TTC5: variants seen among roughly 807,000 people sequenced by gnomAD.
TTC5 encodes the protein tetratricopeptide repeat domain 5.
In TTC5, 46 loss-of-function variants were observed where a neutral mutation model predicts 57.4. The ratio of observed to expected loss-of-function variants is 0.80; its 90% CI spans 0.63 to 1.03. TTC5 has a LOEUF of 1.03. Among genes scored for constraint, TTC5 ranks in the 50% least tolerant of loss-of-function variants. TTC5 has a pLI of 0.00. For missense variants in TTC5, 504 were observed against 528.1 expected (o/e 0.95, Z 0.45); for synonymous variants, 190 against 203.5 (o/e 0.93, Z 0.57).
chr14:20,300,155 ATT>A (rs765208751), intron 3 of TTC5, among the ~76,000 whole-genome samples: 8 of 89,322 alleles, frequency 9.0e-5, no homozygotes, highest in East Asian at 3.1e-4. Flanking sequence ...ATATATATAT[ATT>A]TTTTTTTTTT....
In TTC5 at chr14:20,296,391, G is replaced by A. The variant is rs150011121; in HGVS notation, c.695C>T (p.Thr232Met). ...SNPDLHLNRA[T>M]LHKYEESYGE... Reference sequence around the variant, plus strand: ...ATGACTACACCCCAAAGGTCTTACCGTCGCCCTGTTCAGATGAAGGTCAGG... The same window carrying A: ...ATGACTACACCCCAAAGGTCTTACCATCGCCCTGTTCAGATGAAGGTCAGG... Residue 232 changes from threonine (T) to methionine (M), a missense_variant and splice_region_variant, in exon 6 of 10, where the codon ACG (threonine) becomes ATG (methionine). By Grantham distance (81) the Thr-to-Met change is moderately conservative (BLOSUM62 -1). Transcript: ENST00000258821. 68 of 1,611,756 alleles carry A rather than the reference G, an allele frequency of 4.2e-5. 2 individuals are homozygous for A. In the Middle Eastern group the frequency reaches 8.3e-4, roughly 20 times the overall value.
rs1052813749 is a variant in TTC5 at position 20,288,194 on chromosome 14, T to C, written c.*1433A>G. 6.6e-6 allele frequency: 1 copy of C among 151,298 alleles called. No individual in the cohort carries two copies. The highest frequency in any genetic ancestry group is 2.4e-5 in the African/African-American group (1 of 41,394). 9.4% of individuals were successfully genotyped at this position (151,298 alleles called of 1,614,324 possible). A position where few individuals can be genotyped will look rare whatever the true frequency, so the allele number is the denominator to read the frequency against. ...TCTTAGATAGAGACAGATAGATAGATAGATAGATAGACAGATAGATAGATA... is the reference window on the plus strand; with the variant it reads ...TCTTAGATAGAGACAGATAGATAGACAGATAGATAGACAGATAGATAGATA... On this transcript the variant is annotated 3_prime_UTR_variant, in exon 10 of 10. Transcript: ENST00000258821.
chr14:20,297,485 AGAT>A (rs1297796891), intron 5 of TTC5, among the ~76,000 whole-genome samples: 1 of 152,174 alleles, frequency 6.6e-6, no homozygotes, highest in Non-Finnish European at 1.5e-5. Flanking sequence ...GATTAAAAAG[AGAT>A]GACCAGGCAC....
rs376240075 is a variant in TTC5, at chr14:20,298,891, G to C, written c.548-3C>G. ...AAGATATGAATTCCCAAGAATATCT[G>C]AAAGAGAAACACAGTGACAAATCAT... On this transcript the variant is annotated splice_polypyrimidine_tract_variant and splice_region_variant and intron_variant, in intron 4 of 9. Transcript: ENST00000258821. The C allele has an allele frequency of 6.3e-7, 1 of 1,598,288 alleles. No homozygotes were observed. The highest frequency in any genetic ancestry group is 8.6e-7 in the Non-Finnish European group (1 of 1,165,704).
intron 1 of TTC5, among the ~76,000 whole-genome samples, chr14:20,304,022 A>G (rs551139526): frequency 2.0e-5 from 3 of 152,200 alleles, no homozygotes; most frequent in East Asian, 1.9e-4. Context: ...TCTCTCCTCT[A>G]CTGTTATATC....
chr14:20,299,125 C>T lies in TTC5; in HGVS notation c.547+173G>A, dbSNP rs528813890. Among the ~76,000 whole-genome samples the T allele has an allele frequency of 3.3e-5, 5 of 152,256 alleles. No homozygotes were observed. In the South Asian group the frequency reaches 8.3e-4, roughly 25 times the overall value. On this transcript the variant is annotated intron_variant, in intron 4 of 9. Coordinates refer to ENST00000258821, the MANE Select transcript of TTC5 (RefSeq NM_138376.3). Reference sequence around the variant, plus strand: ...TACGTGAAAACTAGGATCAAAAGATCGAAGAGTTCCTAGAAAAGTAGTTCC... The same window carrying T: ...TACGTGAAAACTAGGATCAAAAGATTGAAGAGTTCCTAGAAAAGTAGTTCC...
At position 20,295,808 on chromosome 14, in the gene TTC5, G is replaced by C; in HGVS notation, c.743C>G (p.Ser248Cys). 6.2e-7 allele frequency: 1 copy of C among 1,606,462 alleles called. No individual in the cohort carries two copies. The highest frequency in any genetic ancestry group is 8.5e-7 in the Non-Finnish European group (1 of 1,178,106). Residue 248 changes from serine (S) to cysteine (C), a missense_variant, in exon 7 of 10, where the codon TCT becomes TGT. By Grantham distance (112) the Ser-to-Cys change is moderately radical. Transcript: ENST00000258821. ...GGCAGGGTCCAGGGCTGCAGCCCGA[G>C]AGAAGCCCTCCAGGGCCTCCCCATA... ...ESYGEALEGF[S>C]RAAALDPAWP...
chr14:20,295,530 C>T lies in TTC5; in HGVS notation c.844-4G>A, dbSNP rs750496469. The stretch of plus-strand genomic sequence containing the variant: ...GCTTTTTGGTCTTCACCTTTCCCTG[C>T]AAAGAAGGGGAAATAGGTAAGAAGC... On this transcript the variant is annotated splice_region_variant and splice_polypyrimidine_tract_variant and intron_variant, in intron 7 of 9. Transcript: ENST00000258821. The T allele has an allele frequency of 9.3e-6, 15 of 1,606,684 alleles. No homozygotes were observed. Among genetic ancestry groups the T allele is most frequent in the Non-Finnish European group, 1.3e-5 (15 of 1,174,740 alleles).
rs927888462 is a variant in TTC5, at chr14:20,286,236, GATAA to G, written c.*3387_*3390del. On this transcript the variant is annotated 3_prime_UTR_variant, in exon 10 of 10. Coordinates refer to ENST00000258821, the MANE Select transcript of TTC5 (RefSeq NM_138376.3). ...AAATGAAAAAGCAAGCTGCGATTTG[GATAA>G]ATATATTTGAAAAACATAATTTATA... The G allele has an allele frequency of 1.3e-5, 2 of 152,066 alleles. No individual in the cohort carries two copies. The highest frequency in any genetic ancestry group is 4.8e-5 in the African/African-American group (2 of 41,410). 9.4% of individuals were successfully genotyped at this position (152,066 alleles called of 1,614,324 possible).
chr14:20,296,499 GACATGCCCA>G, intron 5 of TTC5, 53 bp from the exon 6 acceptor site: 1 of 1,411,230 alleles, frequency 7.1e-7, no homozygotes, highest in Non-Finnish European at 1.0e-6. Context: ...GTTAAGGACT[GACATGCCCA>G]ACATGTCCTA....
rs1401968708 is a variant in TTC5, at chr14:20,286,428, T to A, written c.*3199A>T. ...TTTATAATCATCTGGTTGGTAAAAA[T>A]TAAAAAGCTAGACAATTTCAAAAAA... On this transcript the variant is annotated 3_prime_UTR_variant, in exon 10 of 10. Coordinates refer to ENST00000258821, the MANE Select transcript of TTC5 (RefSeq NM_138376.3). 3.3e-5 allele frequency: 5 copies of A among 151,754 alleles called. No homozygotes were observed. Among genetic ancestry groups the A allele is most frequent in the Admixed American group, 2.0e-4 (3 of 15,248 alleles). The allele number at this position is 151,754 out of a possible 1,614,324, so 9.4% of individuals were successfully genotyped here. A position where few individuals can be genotyped will look rare whatever the true frequency, so the allele number is the denominator to read the frequency against.
chr14:20,290,770 T>TA (rs781433677), intron 9 of TTC5, among the ~76,000 whole-genome samples: 3 of 152,210 alleles, frequency 2.0e-5, no homozygotes, highest in Non-Finnish European at 4.4e-5. Flanking sequence ...TTTTCTATTA[T>TA]AAAAGTACTA....
intron 1 of TTC5, 188 bp downstream of exon 1, chr14:20,305,699 G>A (rs1412479584): frequency 3.3e-6 from 2 of 613,544 alleles, no homozygotes; most frequent in Non-Finnish European, 5.9e-6. Flanking sequence ...CAGTCAGGTC[G>A]GCAGCAGGAG....
At position 20,292,199 on chromosome 14, in the gene TTC5, G is replaced by C. The variant is rs567918725; in HGVS notation, c.1059-72C>G. The C allele has an allele frequency of 7.5e-6, 9 of 1,195,916 alleles. 1 individual carries two copies. The South Asian group carries it at 2.4e-4, about 31-fold the overall frequency. The allele number at this position is 1,195,916 out of a possible 1,614,324, so 74.1% of individuals were successfully genotyped here. ...TGGGTAGGAAAGAAGAGCAGAAACA[G>C]TGGTTTAAAAATACTAGCAAAATAC... On this transcript the variant is annotated intron_variant, in intron 8 of 9. Transcript: ENST00000258821.
chr14:20,298,228 C>CA, intron 5 of TTC5, among the ~76,000 whole-genome samples: 1 of 152,294 alleles, frequency 6.6e-6, no homozygotes, highest in Non-Finnish European at 1.5e-5. Flanking sequence ...AAGCCCTATG[C>CA]AAATGCCTAT....
chr14:20,301,800 G>A (rs1389810906), intron 2 of TTC5, 33 bp downstream of exon 2: 2 of 1,612,624 alleles, frequency 1.2e-6, no homozygotes, highest in Non-Finnish European at 1.7e-6. Flanking sequence ...TTTCACTGAA[G>A]GATGGGGGTT....
rs903773627 is a variant in TTC5 at position 20,287,607 on chromosome 14, A to G, written c.*2020T>C. ...TTTATGGGTATTCTAGTTATTCCTG[A>G]AACCGTATGTACAAATTTTGCATAC... is the stretch of plus-strand genomic sequence containing the variant. On this transcript the variant is annotated 3_prime_UTR_variant, in exon 10 of 10. Transcript: ENST00000258821. 2 of 152,200 alleles carry G rather than the reference A, an allele frequency of 1.3e-5. No homozygotes were observed. Among genetic ancestry groups the G allele is most frequent in the Non-Finnish European group, 2.9e-5 (2 of 68,038 alleles). The allele number at this position is 152,200 out of a possible 1,614,324, so 9.4% of individuals were successfully genotyped here.
At chr14:20,292,175 G>T in intron 8 of TTC5, 48 bp from the exon 9 acceptor site, 2 of 1,375,602 alleles carry the variant, frequency 1.5e-6, no homozygotes. Flanking sequence ...AAAGGTATGT[G>T]GGTAGGAAAG....
rs1882166119 is a variant in TTC5 at position 20,300,475 on chromosome 14, T to C, written c.396+132A>G. 3 of 707,614 alleles carry C rather than the reference T, an allele frequency of 4.2e-6. No homozygotes were observed. The Admixed American group carries it at 9.7e-5, about 23-fold the overall frequency. The allele number at this position is 707,614 out of a possible 1,614,324, so 43.8% of individuals were successfully genotyped here. On this transcript the variant is annotated intron_variant, in intron 3 of 9. Coordinates refer to ENST00000258821, the MANE Select transcript of TTC5 (RefSeq NM_138376.3). ...CCTCATTCAGGTCTGCTCTCTGACCTTTCCTCCCTCCTGATTCTGTCCTAG... is the reference window on the plus strand; with the variant it reads ...CCTCATTCAGGTCTGCTCTCTGACCCTTCCTCCCTCCTGATTCTGTCCTAG...
Sources: gnomAD v4.1 joint callset for allele counts (sites outside exome capture counted in the v4.1 genomes callset) on GRCh38, gnomAD v4.1.1 for gene constraint, MANE v1.5 for transcripts, NCBI Gene and HGNC (gene_info 2026-07-23, HGNC 2026-07-21) for gene names.